The following PTPRA variants were observed in gnomAD, a reference collection of about 807,000 sequenced individuals.
The protein encoded by PTPRA is receptor-type tyrosine-protein phosphatase alpha.
In PTPRA, 25 loss-of-function variants were observed where a neutral mutation model predicts 104.8. The ratio of observed to expected loss-of-function variants is 0.24; its 90% CI spans 0.17 to 0.33. The LOEUF (loss-of-function observed/expected upper bound fraction) is 0.33. Ranked by LOEUF, PTPRA falls within the 10% of genes least tolerant of loss-of-function variation. PTPRA has a pLI of 1.00. For synonymous variants in PTPRA, 323 were observed against 368.9 expected (o/e 0.88, Z 1.43); for missense variants, 765 against 1,015.3 (o/e 0.75, Z 3.35).
the PTPRA span, chr20:2,864,635 C>A: frequency 6.2e-7 from 1 of 1,614,108 alleles, no homozygotes; most frequent in Non-Finnish European, 8.5e-7. This position sits in a 1 kb window ranked among gnomAD's most constrained non-coding sequence, Gnocchi z 5.2. Flanking sequence ...CACATCCGAG[C>A]CAGCTATGCT....
intron 9 of PTPRA, among the ~76,000 whole-genome samples, chr20:3,001,915 CCTTT>C (rs1210340302): frequency 6.6e-6 from 1 of 152,134 alleles, no homozygotes; most frequent in East Asian, 1.9e-4. Flanking sequence ...TATATTTGCT[CCTTT>C]CTTAAAGCTC....
rs1392186843 is a variant in PTPRA at position 3,008,791 on chromosome 20, T to TA, written c.906+1373dup. On this transcript the variant is annotated intron_variant, in intron 11 of 23. Coordinates refer to ENST00000399903, the MANE Select transcript of PTPRA (RefSeq NM_001385305.1). ...AGCCGGGCGTGGTGGCAGGCGCCTGTAATCCCAGCTACTTGGGAGATTGAG... is the reference window on the plus strand; with the variant it reads ...AGCCGGGCGTGGTGGCAGGCGCCTGTAAATCCCAGCTACTTGGGAGATTGAG... 3.4e-5 allele frequency among the ~76,000 whole-genome samples: 5 copies of TA among 149,114 alleles called. No individual in the cohort carries two copies. The East Asian group carries it at 8.0e-4, about 24-fold the overall frequency.
At chr20:2,887,909 T>C (rs1462286529) in intron 1 of PTPRA, among the ~76,000 whole-genome samples, 2 of 152,208 alleles carry the variant, frequency 1.3e-5, no homozygotes, top group East Asian at 3.8e-4. Context: ...TCAGTGCCTC[T>C]GCTCACGCTG....
rs796248060 is a variant in PTPRA, at chr20:2,954,250, TG to T, written c.-7+6227del. On this transcript the variant is annotated intron_variant, in intron 3 of 23. Transcript: ENST00000399903. Reference sequence around the variant, plus strand: ...CCGCCACCACGCCTGGCTAATTTTTTGTATTTTTAGTAGAGATGGGGTTTCA... The same window carrying T: ...CCGCCACCACGCCTGGCTAATTTTTTTATTTTTAGTAGAGATGGGGTTTCA... Among the ~76,000 whole-genome samples, 9 of 151,574 alleles carry T rather than the reference TG, an allele frequency of 5.9e-5. 1 individual carries two copies. The highest frequency in any genetic ancestry group is 2.2e-4 in the African/African-American group (9 of 41,300).
At chr20:2,958,159 G>C (rs1178668794) in intron 3 of PTPRA, among the ~76,000 whole-genome samples, 1 of 152,176 alleles carries the variant, frequency 6.6e-6, no homozygotes, top group African/African-American at 2.4e-5. Flanking sequence ...AGGGGTTCAA[G>C]AGACTGAAGG....
chr20:2,967,081 A>G (rs1331487733), intron 5 of PTPRA, among the ~76,000 whole-genome samples: 1 of 152,172 alleles, frequency 6.6e-6, no homozygotes, highest in Non-Finnish European at 1.5e-5. Flanking sequence ...CTTTTAACAG[A>G]TGCTTGATTT....
At position 2,918,052 on chromosome 20, in the gene PTPRA, C is replaced by T. The variant is rs188511808; in HGVS notation, c.-128-5155C>T. Among the ~76,000 whole-genome samples, 371 of 140,112 alleles carry T rather than the reference C, an allele frequency of 2.6e-3. 4 individuals are homozygous for T. Among genetic ancestry groups the T allele is most frequent in the Middle Eastern group, 7.7e-3 (2 of 260 alleles). 91.9% of individuals were successfully genotyped at this position (140,112 alleles called of 152,430 possible). ...TCAGTGAGCCGAGATTGCACCACTG[C>T]ACTCCAGCCTGGGCGATAGAGTGAG... is the stretch of plus-strand genomic sequence containing the variant. On this transcript the variant is annotated intron_variant, in intron 1 of 23. Transcript: ENST00000399903.
At chr20:2,958,361 G>A (rs761364961) in intron 3 of PTPRA, among the ~76,000 whole-genome samples, 10 of 152,054 alleles carry the variant, frequency 6.6e-5, no homozygotes, top group Non-Finnish European at 1.2e-4. Flanking sequence ...TTGGAGTGAA[G>A]GAAGTCAAGG....
intron 9 of PTPRA, among the ~76,000 whole-genome samples, chr20:2,995,719 T>G (rs2063370951): frequency 6.6e-6 from 1 of 152,242 alleles, no homozygotes; most frequent in Non-Finnish European, 1.5e-5. Flanking sequence ...AACATTTCAC[T>G]TAGCAAAATA....
chr20:2,886,259 C>T (rs1343523596), intron 1 of PTPRA, among the ~76,000 whole-genome samples: 1 of 151,986 alleles, frequency 6.6e-6, no homozygotes, highest in African/African-American at 2.4e-5. Context: ...AGTATGGTTA[C>T]ATTAAAAAGA....
chr20:2,960,652 T>G (rs2147897788), intron 3 of PTPRA, among the ~76,000 whole-genome samples: 1 of 151,882 alleles, frequency 6.6e-6, no homozygotes, highest in Non-Finnish European at 1.5e-5. Context: ...TCCTCCCACC[T>G]CAGCCTCCTA....
In PTPRA at chr20:3,016,012, A is replaced by T; in HGVS notation, c.943+127A>T. 4.6e-6 allele frequency: 4 copies of T among 877,664 alleles called. No individual in the cohort carries two copies. In the South Asian group the frequency reaches 6.8e-5, roughly 15 times the overall value. 54.4% of individuals were successfully genotyped at this position (877,664 alleles called of 1,614,324 possible). On this transcript the variant is annotated intron_variant, in intron 12 of 23. Coordinates refer to ENST00000399903, the MANE Select transcript of PTPRA (RefSeq NM_001385305.1). Reference sequence around the variant, plus strand: ...GCTTTTCTGTACTTTTTACCACCTGAAAGAATTATAATCCATTATACAGGT... The same window carrying T: ...GCTTTTCTGTACTTTTTACCACCTGTAAGAATTATAATCCATTATACAGGT...
chr20:2,913,026 T>A (rs1233979391), intron 1 of PTPRA, among the ~76,000 whole-genome samples: 5 of 152,130 alleles, frequency 3.3e-5, no homozygotes, highest in African/African-American at 1.2e-4. Context: ...GTCTTTTCGC[T>A]CCCTGAACCA....
intron 3 of PTPRA, among the ~76,000 whole-genome samples, chr20:2,948,874 C>T (rs1222687120): frequency 1.3e-5 from 2 of 152,070 alleles, no homozygotes; most frequent in Non-Finnish European, 1.5e-5. Flanking sequence ...ATGGCGTGAA[C>T]CCGGGAGGCG....
At chr20:2,920,473 C>G (rs2060059484) in intron 1 of PTPRA, among the ~76,000 whole-genome samples, 1 of 152,152 alleles carries the variant, frequency 6.6e-6, no homozygotes, top group Non-Finnish European at 1.5e-5. Context: ...ACTTGGGCAC[C>G]AGAATTTTTT....
chr20:2,872,938 G>A (rs569287927), upstream of PTPRA, among the ~76,000 whole-genome samples: 1 of 152,232 alleles, frequency 6.6e-6, no homozygotes, highest in Admixed American at 6.5e-5. This position sits in a 1 kb window ranked among gnomAD's most constrained non-coding sequence, Gnocchi z 7.9. Context: ...TGGAGCTCGG[G>A]TGGGGACGGC....
chr20:2,944,024 G>C (rs964754771), intron 2 of PTPRA, among the ~76,000 whole-genome samples: 4 of 149,988 alleles, frequency 2.7e-5, no homozygotes, highest in Non-Finnish European at 1.5e-5. Context: ...GTAGCTGTTT[G>C]GTTCCTCTAC....
At chr20:2,877,632 C>G (rs2089806702) in intron 1 of PTPRA, among the ~76,000 whole-genome samples, 1 of 152,096 alleles carries the variant, frequency 6.6e-6, no homozygotes, top group Admixed American at 6.5e-5. Context: ...TAAAACTGAA[C>G]AGCAGGCCCA....
chr20:2,874,320 C>T (rs1195483075), intron 1 of PTPRA, among the ~76,000 whole-genome samples: 1 of 151,852 alleles, frequency 6.6e-6, no homozygotes, highest in Non-Finnish European at 1.5e-5. Context: ...CGCAGGTCCC[C>T]TCCCTTTTTA....
Sources: allele counts gnomAD v4.1 joint callset (sites outside exome capture counted in the v4.1 genomes callset), GRCh38; gene constraint gnomAD v4.1.1; non-coding constraint Gnocchi (gnomAD v3.1); transcripts MANE v1.5; gene names NCBI Gene and HGNC (gene_info 2026-07-23, HGNC 2026-07-21).